MTUS1: variants seen among roughly 807,000 people sequenced by gnomAD.
The protein encoded by MTUS1 is microtubule associated scaffold protein 1.
In MTUS1, 109 loss-of-function variants were observed where a neutral mutation model predicts 120.8. The ratio of observed to expected loss-of-function variants is 0.90; its 90% CI spans 0.77 to 1.06. The LOEUF (loss-of-function observed/expected upper bound fraction) is 1.06. MTUS1 is among the 50% of genes least tolerant of loss of function. The probability of loss-of-function intolerance (pLI) is 0.00; values close to 1 mark genes in which losing one functional copy is unlikely to be tolerated. For synonymous variants in MTUS1, 737 were observed against 550.5 expected (o/e 1.34, Z -4.74); for missense variants, 2,210 against 1,486.3 (o/e 1.49, Z -8.01).
intron 3 of MTUS1, among the ~76,000 whole-genome samples, chr8:17,733,345 T>C (rs1244995509): frequency 6.8e-6 from 1 of 147,392 alleles, no homozygotes; most frequent in Non-Finnish European, 1.5e-5. Flanking sequence ...AGCAAGACTG[T>C]GCCTCAAAAA....
At chr8:17,727,247 A>G (rs1041246679) in intron 3 of MTUS1, among the ~76,000 whole-genome samples, 1 of 152,246 alleles carries the variant, frequency 6.6e-6, no homozygotes, top group Non-Finnish European at 1.5e-5. Context: ...ACAGTGTGTG[A>G]CTATTACTAT....
At chr8:17,744,113 T>C (rs117377668) in intron 2 of MTUS1, among the ~76,000 whole-genome samples, 1,767 of 152,244 alleles carry the variant, frequency 0.012, 13 homozygotes, top group South Asian at 0.028. Flanking sequence ...CTGAAGGAAA[T>C]TGAAGTATTT....
intron 1 of MTUS1, among the ~76,000 whole-genome samples, chr8:17,767,497 G>A (rs2131420188): frequency 6.7e-6 from 1 of 149,986 alleles, no homozygotes; most frequent in Non-Finnish European, 1.5e-5. Flanking sequence ...TGGAGTTTGA[G>A]ACTAGCCTGG....
intron 8 of MTUS1, among the ~76,000 whole-genome samples, chr8:17,673,107 T>G (rs1169683522): frequency 6.6e-6 from 1 of 152,226 alleles, no homozygotes; most frequent in South Asian, 2.1e-4. Flanking sequence ...CCTGATCTTC[T>G]AACTCTGTTA....
rs147342274 is a variant in MTUS1 at position 17,696,579 on chromosome 8, C to T, written c.2624-12037G>A. 9.7e-4 allele frequency among the ~76,000 whole-genome samples: 147 copies of T among 152,206 alleles called. 5 individuals carry two copies. In the East Asian group the frequency reaches 0.024, roughly 25 times the overall value. Reference sequence around the variant, plus strand: ...AGTAGCAACATAGGCCAACCCAATGCCCTAAAAGTGAGCAGACAGGTCACC... The same window carrying T: ...AGTAGCAACATAGGCCAACCCAATGTCCTAAAAGTGAGCAGACAGGTCACC... On this transcript the variant is annotated intron_variant, in intron 6 of 14. Transcript: ENST00000693296.
chr8:17,651,970 A>C (rs1055757657), intron 12 of MTUS1, among the ~76,000 whole-genome samples: 6 of 152,226 alleles, frequency 3.9e-5, no homozygotes, highest in African/African-American at 1.2e-4. Flanking sequence ...GTTTCTTTGA[A>C]TATAAGCTCA....
intron 8 of MTUS1, among the ~76,000 whole-genome samples, chr8:17,672,209 TG>T (rs1479021582): frequency 1.3e-5 from 2 of 152,180 alleles, no homozygotes; most frequent in Non-Finnish European, 2.9e-5. Flanking sequence ...AAACAGCCAG[TG>T]TGGTTAATTA....
chr8:17,731,335 G>T (rs1195814527), intron 3 of MTUS1, among the ~76,000 whole-genome samples: 1 of 152,112 alleles, frequency 6.6e-6, no homozygotes, highest in East Asian at 1.9e-4. Context: ...CTGCACTTCT[G>T]TTTTCTCATA....
intron 8 of MTUS1, among the ~76,000 whole-genome samples, chr8:17,659,128 C>T (rs1209008203): frequency 6.6e-6 from 1 of 152,034 alleles, no homozygotes; most frequent in Non-Finnish European, 1.5e-5. Context: ...AGCTGGCAAG[C>T]GTGAGAGGAT....
intron 6 of MTUS1, chr8:17,697,615 G>A (rs1818246888): frequency 7.8e-7 from 1 of 1,275,896 alleles, no homozygotes; most frequent in East Asian, 3.4e-5. Context: ...CTCTTCCTCT[G>A]AATACAATCT....
intron 1 of MTUS1, among the ~76,000 whole-genome samples, chr8:17,756,679 C>CCCCCCCCA (rs58787907): frequency 1.7e-4 from 21 of 123,516 alleles, no homozygotes; most frequent in African/African-American, 2.7e-4. Flanking sequence ...AAACCCCCAC[C>CCCCCCCCA]CCTTATGTAA....
intron 3 of MTUS1, among the ~76,000 whole-genome samples, chr8:17,741,851 T>A (rs1249599121): frequency 6.6e-6 from 1 of 152,164 alleles, no homozygotes; most frequent in East Asian, 1.9e-4. Flanking sequence ...TGACAGGGTC[T>A]TAGATTCTCA....
chr8:17,783,087 C>T (rs886961448), intron 1 of MTUS1, among the ~76,000 whole-genome samples: 1 of 152,102 alleles, frequency 6.6e-6, no homozygotes. Context: ...TCAAAACAAA[C>T]AAACAAACAC....
chr8:17,722,927 C>A (rs931393348), intron 4 of MTUS1, among the ~76,000 whole-genome samples: 4 of 152,206 alleles, frequency 2.6e-5, no homozygotes, highest in Non-Finnish European at 5.9e-5. Flanking sequence ...CCTCTCCACA[C>A]CCTTGTGTCT....
chr8:17,661,909 T>C (rs1239808569), intron 8 of MTUS1, among the ~76,000 whole-genome samples: 1 of 152,212 alleles, frequency 6.6e-6, no homozygotes, highest in Non-Finnish European at 1.5e-5. Context: ...CTAATGGCTT[T>C]CGTTTGAAGG....
intron 1 of MTUS1, among the ~76,000 whole-genome samples, chr8:17,786,041 G>A (rs1252117187): frequency 2.0e-5 from 3 of 152,198 alleles, no homozygotes; most frequent in Admixed American, 6.5e-5. Context: ...TCAGGAGGCT[G>A]ACACCAGAGG....
chr8:17,751,720 T>A (rs898453695), intron 2 of MTUS1, among the ~76,000 whole-genome samples: 2 of 151,444 alleles, frequency 1.3e-5, no homozygotes, highest in Non-Finnish European at 2.9e-5. Flanking sequence ...TAGCTGGATG[T>A]GGTGGTGCAC....
chr8:17,684,246 C>T, intron 7 of MTUS1, 82 bp downstream of exon 7: 3 of 994,100 alleles, frequency 3.0e-6, no homozygotes, highest in Non-Finnish European at 4.8e-6. Flanking sequence ...CTAGATATTC[C>T]CAAGGCCAGC....
At chr8:17,650,312 C>G (rs933838519) in intron 12 of MTUS1, among the ~76,000 whole-genome samples, 1 of 152,118 alleles carries the variant, frequency 6.6e-6, no homozygotes, top group African/African-American at 2.4e-5. Flanking sequence ...TCTGGGAGAA[C>G]AGGGAACAAC....
Sources: allele counts gnomAD v4.1 joint callset (sites outside exome capture counted in the v4.1 genomes callset), GRCh38; gene constraint gnomAD v4.1.1; transcripts MANE v1.5; gene names NCBI Gene and HGNC (gene_info 2026-07-23, HGNC 2026-07-21).